Variants in ADGRV1 observed in about 807,000 individuals in gnomAD.
ADGRV1 encodes adhesion G protein-coupled receptor V1, also known as G-protein coupled receptor 98.
Under a neutral mutation model 596.2 loss-of-function variants are expected in ADGRV1, and 359 were observed. That is an observed-to-expected ratio of 0.60 (90% confidence interval 0.55 to 0.66). The LOEUF (loss-of-function observed/expected upper bound fraction) is 0.66, where lower values mean the gene tolerates loss of function less well. Among genes scored for constraint, ADGRV1 ranks in the 30% least tolerant of loss-of-function variants. ADGRV1 has a pLI of 0.00. For synonymous variants in ADGRV1, 2,681 were observed against 2,679.2 expected (o/e 1.00, Z -0.02); for missense variants, 7,274 against 7,575.6 (o/e 0.96, Z 1.48).
chr5:90,732,730 G>T (rs1410716187), intron 50 of ADGRV1, among the ~76,000 whole-genome samples: 1 of 152,170 alleles, frequency 6.6e-6, no homozygotes, highest in Non-Finnish European at 1.5e-5. Flanking sequence ...GGGTTCTCAT[G>T]TCTGCATCTG....
chr5:90,800,889 A>G (rs956986212), intron 70 of ADGRV1, among the ~76,000 whole-genome samples: 3 of 151,356 alleles, frequency 2.0e-5, no homozygotes, highest in Non-Finnish European at 4.4e-5. Context: ...TCATGGACAC[A>G]GGGAGGGGAA....
intron 83 of ADGRV1, among the ~76,000 whole-genome samples, chr5:90,951,120 T>TC (rs1431402408): frequency 6.6e-6 from 1 of 152,180 alleles, no homozygotes; most frequent in African/African-American, 2.4e-5. Flanking sequence ...ATCTAGATGG[T>TC]CCTCTCTTTC....
chr5:91,125,916 TTC>T (rs1793709556), intron 87 of ADGRV1, among the ~76,000 whole-genome samples: 1 of 152,196 alleles, frequency 6.6e-6, no homozygotes, highest in African/African-American at 2.4e-5. Context: ...CCATCTGTAG[TTC>T]TGTTTTCCTT....
intron 83 of ADGRV1, among the ~76,000 whole-genome samples, chr5:90,934,679 G>A (rs946459126): frequency 2.6e-5 from 4 of 152,140 alleles, no homozygotes; most frequent in African/African-American, 7.2e-5. Context: ...TTTTGTTTTT[G>A]TCTCAGCTAG....
At chr5:91,154,708 A>G (rs1796327958) in intron 89 of ADGRV1, among the ~76,000 whole-genome samples, 1 of 152,220 alleles carries the variant, frequency 6.6e-6, no homozygotes, top group Admixed American at 6.5e-5. Context: ...AAGCTTCAGG[A>G]AATGTACAAT....
intron 31 of ADGRV1, 69 bp downstream of exon 31, chr5:90,691,110 G>A (rs766035448): frequency 1.1e-5 from 18 of 1,571,188 alleles, no homozygotes; most frequent in African/African-American, 1.4e-5. Flanking sequence ...AGAACAGATG[G>A]CCATTGTAAC....
chr5:91,096,461 G>A (rs553157153), intron 86 of ADGRV1, among the ~76,000 whole-genome samples: 2 of 152,260 alleles, frequency 1.3e-5, no homozygotes, highest in East Asian at 1.9e-4. Context: ...ACTAATTGAC[G>A]TATCTACTTG....
chr5:91,014,809 T>C (rs1783044488), intron 85 of ADGRV1, among the ~76,000 whole-genome samples: 1 of 151,310 alleles, frequency 6.6e-6, no homozygotes, highest in Non-Finnish European at 1.5e-5. Context: ...ACTAGCGGCC[T>C]ATATATCTTA....
Position 90,753,689 on chromosome 5 carries a change from G to T in ADGRV1, c.11237G>T (p.Gly3746Val), listed in dbSNP as rs1182684593. 6.2e-7 allele frequency: 1 copy of T among 1,613,590 alleles called. No homozygotes were observed. Among genetic ancestry groups the T allele is most frequent in the Admixed American group, 1.7e-5 (1 of 59,964 alleles). Residue 3746 changes from glycine to valine, a missense_variant, in exon 54 of 90, where the codon GGG becomes GTG. By Grantham distance (109) the Gly-to-Val change is moderately radical. Around this residue, in one of 5 missense-constraint regions of ADGRV1, gnomAD observed 3,643 missense variants for 3,809.2 expected, o/e 0.96. Coordinates refer to ENST00000405460, the MANE Select transcript of ADGRV1 (RefSeq NM_032119.4). The stretch of plus-strand genomic sequence containing the variant: ...ACCCTCACCCGTATCACCACAGAAG[G>T]GGTTGAGGACTCATACAAAGGTGCT... ...IVTLTRITTE[G>V]VEDSYKGATI...
At position 90,795,856 on chromosome 5, in the gene ADGRV1, A is replaced by G. The variant is rs192828939; in HGVS notation, c.14517+4510A>G. ...CTCTGCTGGTGATATCCAGGCAAACAGGGTCTGGAGTGGACCTCCAGCAAA... is the reference window on the plus strand; with the variant it reads ...CTCTGCTGGTGATATCCAGGCAAACGGGGTCTGGAGTGGACCTCCAGCAAA... On this transcript the variant is annotated intron_variant, in intron 70 of 89. Coordinates refer to ENST00000405460, the MANE Select transcript of ADGRV1 (RefSeq NM_032119.4). 2.0e-3 allele frequency among the ~76,000 whole-genome samples: 299 copies of G among 152,318 alleles called. 3 individuals carry two copies. Among genetic ancestry groups the G allele is most frequent in the Non-Finnish European group, 5.1e-4 (35 of 68,022 alleles).
Position 90,681,328 on chromosome 5 carries a change from G to T in ADGRV1, c.5538G>T (p.Val1846=). The change falls in exon 27 of 90, where the codon GTG becomes GTT. Residue 1846 remains valine (V), a synonymous_variant. Coordinates refer to ENST00000405460, the MANE Select transcript of ADGRV1 (RefSeq NM_032119.4). ...PTIHKRASLG[V]ASQILVTIAA... The stretch of plus-strand genomic sequence containing the variant: ...TTGTTCATGCAGCCAGTCTAGGAGT[G>T]GCTTCCCAAATTCTAGTGACAATTG... 6.2e-7 allele frequency: 1 copy of T among 1,613,536 alleles called. No homozygotes were observed. Among genetic ancestry groups the T allele is most frequent in the Non-Finnish European group, 8.5e-7 (1 of 1,179,726 alleles).
chr5:90,690,742 G>A, intron 30 of ADGRV1, 55 bp from the exon 31 acceptor site: 2 of 1,537,978 alleles, frequency 1.3e-6, no homozygotes, highest in Non-Finnish European at 1.8e-6. Flanking sequence ...TTGGTTAACT[G>A]TTATCTCTGT....
At chr5:91,112,833 A>AT (rs1792493943) in intron 87 of ADGRV1, among the ~76,000 whole-genome samples, 1 of 152,146 alleles carries the variant, frequency 6.6e-6, no homozygotes, top group South Asian at 2.1e-4. Context: ...AGAGGTGCTG[A>AT]TTTTGCCTCT....
In ADGRV1 at chr5:90,855,785, C is replaced by T; in HGVS notation, c.17639C>T (p.Ala5880Val). Residue 5880 changes from alanine to valine, a missense_variant, in exon 82 of 90, where the codon GCA (alanine) becomes GTA (valine). By Grantham distance (64) the Ala-to-Val change is moderately conservative (BLOSUM62 0). Around this residue, in one of 5 missense-constraint regions of ADGRV1, gnomAD observed 1,874 missense variants for 1,970.2 expected, o/e 0.95. Coordinates refer to ENST00000405460, the MANE Select transcript of ADGRV1 (RefSeq NM_032119.4). ...TTTTGCAAAGTGGTTGAGGAAACTG[C>T]AGACTATGTGGAATGTGCCTGTTCA... ...SQFCKVVEET[A>V]DYVECACSHM... 6.3e-7 allele frequency: 1 copy of T among 1,599,254 alleles called. No homozygotes were observed. The highest frequency in any genetic ancestry group is 8.5e-7 in the Non-Finnish European group (1 of 1,172,912).
chr5:90,747,351 A>T (rs967573517), intron 52 of ADGRV1, among the ~76,000 whole-genome samples: 23 of 152,052 alleles, frequency 1.5e-4, no homozygotes, highest in African/African-American at 5.3e-4. Context: ...GATCCCCATG[A>T]CCACCCACAG....
intron 20 of ADGRV1, chr5:90,654,865 G>A (rs984596866): frequency 6.6e-6 from 1 of 152,156 alleles, no homozygotes; most frequent in East Asian, 1.9e-4. Flanking sequence ...ATACCTACAA[G>A]TATCTGTTAG....
chr5:91,019,320 A>G (rs1230485499), intron 85 of ADGRV1, among the ~76,000 whole-genome samples: 1 of 152,028 alleles, frequency 6.6e-6, no homozygotes, highest in Non-Finnish European at 1.5e-5. Context: ...CATAATTAGT[A>G]AGTAGTAAGG....
At chr5:90,817,899 T>C (rs1470413930) in intron 75 of ADGRV1, among the ~76,000 whole-genome samples, 1 of 152,226 alleles carries the variant, frequency 6.6e-6, no homozygotes, top group Non-Finnish European at 1.5e-5. Context: ...CGATGCAGGC[T>C]CTTTTTTGGT....
intron 83 of ADGRV1, among the ~76,000 whole-genome samples, chr5:90,899,999 C>T (rs978818935): frequency 2.0e-5 from 3 of 152,248 alleles, no homozygotes; most frequent in Middle Eastern, 3.4e-3. Context: ...TTAACCGATC[C>T]GTCAGGTTTC....
Sources: allele counts gnomAD v4.1 joint callset (sites outside exome capture counted in the v4.1 genomes callset), GRCh38; gene constraint gnomAD v4.1.1; regional missense constraint gnomAD v4.1.1; transcripts MANE v1.5; gene names NCBI Gene and HGNC (gene_info 2026-07-23, HGNC 2026-07-21).